Variants in SOX5 observed in about 807,000 individuals in gnomAD.
SOX5 encodes the protein SRY-box transcription factor 5.
In SOX5, 9 loss-of-function variants were observed where a neutral mutation model predicts 92.0. The ratio of observed to expected loss-of-function variants is 0.10; its 90% CI spans 0.06 to 0.17. The LOEUF is 0.17. Among genes scored for constraint, SOX5 ranks in the 10% least tolerant of loss-of-function variants. The probability of loss-of-function intolerance (pLI) is 1.00; values close to 1 mark genes in which losing one functional copy is unlikely to be tolerated. For synonymous variants in SOX5, 344 were observed against 336.3 expected, an observed-to-expected ratio of 1.02 and a Z score of -0.25; for missense variants, 642 against 944.5, an observed-to-expected ratio of 0.68 and a Z score of 4.20.
chr12:24,221,295 T>TTTCC (rs1364298698), intron 3 of SOX5, among the ~76,000 whole-genome samples: 1 of 152,238 alleles, frequency 6.6e-6, no homozygotes, highest in African/African-American at 2.4e-5. Flanking sequence ...TCCTTCTTCC[T>TTTCC]TTCCTTTCTT....
intron 4 of SOX5, among the ~76,000 whole-genome samples, chr12:24,201,209 T>C (rs1039892885): frequency 6.6e-6 from 1 of 152,204 alleles, no homozygotes; most frequent in African/African-American, 2.4e-5. Flanking sequence ...AAGAGTTATA[T>C]ACTCCCAAGT....
At chr12:24,072,336 CAG>C (rs1159223543) in intron 4 of SOX5, among the ~76,000 whole-genome samples, 5 of 152,018 alleles carry the variant, frequency 3.3e-5, no homozygotes, top group African/African-American at 1.2e-4. Flanking sequence ...GAAATAAAAA[CAG>C]ATTGTCATAT....
intron 11 of SOX5, among the ~76,000 whole-genome samples, chr12:23,562,571 A>T (rs571310089): frequency 1.3e-5 from 2 of 152,276 alleles, no homozygotes; most frequent in African/African-American, 4.8e-5. Flanking sequence ...AGTTCAAAAC[A>T]TATCAACTAT....
At chr12:24,488,962 T>C (rs1478803406) in intron 1 of SOX5, among the ~76,000 whole-genome samples, 1 of 152,206 alleles carries the variant, frequency 6.6e-6, no homozygotes, top group South Asian at 2.1e-4. Context: ...TGGAATGATG[T>C]CCCAGAAAAC....
chr12:24,492,229 C>G (rs1034966293), intron 1 of SOX5, among the ~76,000 whole-genome samples: 1 of 152,114 alleles, frequency 6.6e-6, no homozygotes, highest in African/African-American at 2.4e-5. Context: ...CCAACGAAAG[C>G]TCAACAACAG....
At chr12:23,566,332 T>C (rs1947081404) in intron 10 of SOX5, among the ~76,000 whole-genome samples, 1 of 152,174 alleles carries the variant, frequency 6.6e-6, no homozygotes, top group South Asian at 2.1e-4. Context: ...TCCCATTCCC[T>C]CCTTACTCTC....
intron 8 of SOX5, among the ~76,000 whole-genome samples, chr12:23,625,515 T>A (rs918782455): frequency 1.3e-5 from 2 of 152,222 alleles, no homozygotes; most frequent in African/African-American, 4.8e-5. Flanking sequence ...ATATCCACCA[T>A]CCTTGCCACT....
Position 24,105,540 on chromosome 12 carries a change from T to TAATC in SOX5, c.-2+107799_-2+107802dup, listed in dbSNP as rs557447387. Among the ~76,000 whole-genome samples the TAATC allele has an allele frequency of 4.7e-3, 710 of 152,154 alleles. 6 individuals are homozygous for TAATC. Among genetic ancestry groups the TAATC allele is most frequent in the African/African-American group, 0.015 (639 of 41,518 alleles). ...TGGGTGACAGAGCAAGACTCTGTCT[T>TAATC]AATCAATCAATCAATCAATCAATAA... On this transcript the variant is annotated intron_variant, in intron 4 of 4. Transcript: ENST00000446891.
intron 4 of SOX5, among the ~76,000 whole-genome samples, chr12:24,024,363 G>A (rs1372055852): frequency 6.6e-6 from 1 of 151,894 alleles, no homozygotes; most frequent in African/African-American, 2.4e-5. Context: ...TTTATATTAA[G>A]ACAATGAAAG....
At chr12:23,893,329 C>T (rs2097147288) in intron 2 of SOX5, among the ~76,000 whole-genome samples, 1 of 152,098 alleles carries the variant, frequency 6.6e-6, no homozygotes, top group Middle Eastern at 3.4e-3. Flanking sequence ...GCCTGTAATC[C>T]CAGCTACTTG....
intron 2 of SOX5, among the ~76,000 whole-genome samples, chr12:24,278,470 T>C (rs1360550251): frequency 6.6e-6 from 1 of 152,100 alleles, no homozygotes; most frequent in Non-Finnish European, 1.5e-5. Context: ...CCCAGCACTC[T>C]GGGAGGCTGC....
At chr12:24,431,789 A>G (rs1231670419) in intron 1 of SOX5, among the ~76,000 whole-genome samples, 1 of 152,160 alleles carries the variant, frequency 6.6e-6, no homozygotes, top group Non-Finnish European at 1.5e-5. Flanking sequence ...ATTTTATGCA[A>G]GCTGCTGACA....
At chr12:23,750,420 T>C (rs901419268) in intron 4 of SOX5, among the ~76,000 whole-genome samples, 1 of 151,872 alleles carries the variant, frequency 6.6e-6, no homozygotes, top group African/African-American at 2.4e-5. Context: ...CCACAAGTAC[T>C]TGGAAGAATC....
chr12:24,352,758 C>T (rs1262998970), intron 2 of SOX5, among the ~76,000 whole-genome samples: 1 of 152,124 alleles, frequency 6.6e-6, no homozygotes, highest in Non-Finnish European at 1.5e-5. Flanking sequence ...GACAAGAGAA[C>T]AAATGGGTGC....
upstream of SOX5, among the ~76,000 whole-genome samples, chr12:23,951,274 A>T (rs78682872): frequency 7.5e-6 from 1 of 134,002 alleles, no homozygotes; most frequent in East Asian, 3.4e-4. Flanking sequence ...GAACTCACTT[A>T]AAAAAAAAAT....
At chr12:23,738,894 A>G (rs896838581) in intron 5 of SOX5, among the ~76,000 whole-genome samples, 6 of 152,218 alleles carry the variant, frequency 3.9e-5, no homozygotes, top group African/African-American at 1.4e-4. Context: ...GGGATAAAGC[A>G]AGAGGCATAT....
intron 4 of SOX5, among the ~76,000 whole-genome samples, chr12:24,004,548 A>G (rs1951952133): frequency 6.6e-6 from 1 of 152,102 alleles, no homozygotes; most frequent in Non-Finnish European, 1.5e-5. Flanking sequence ...GGGAAATGCA[A>G]ATTAAAACCA....
intron 2 of SOX5, among the ~76,000 whole-genome samples, chr12:24,341,588 G>A (rs1565942488): frequency 6.6e-6 from 1 of 152,176 alleles, no homozygotes; most frequent in African/African-American, 2.4e-5. Context: ...GCTTTCAGAC[G>A]ATACTGACCT....
chr12:24,198,742 T>C (rs1957243732), intron 4 of SOX5, among the ~76,000 whole-genome samples: 1 of 152,196 alleles, frequency 6.6e-6, no homozygotes, highest in African/African-American at 2.4e-5. Context: ...TTTGGCACTT[T>C]TGATTTAGGG....
Sources: allele counts gnomAD v4.1 joint callset (sites outside exome capture counted in the v4.1 genomes callset), GRCh38; gene constraint gnomAD v4.1.1; transcripts MANE v1.5; gene names NCBI Gene and HGNC (gene_info 2026-07-23, HGNC 2026-07-21).